MEGF6: variants seen among roughly 807,000 people sequenced by gnomAD.
MEGF6 encodes the protein multiple epidermal growth factor-like domains protein 6.
A neutral mutation model predicts 207.1 loss-of-function variants in MEGF6; 184 were observed. That is an observed-to-expected ratio of 0.89 (90% CI 0.79 to 1.00). MEGF6 has a LOEUF of 1.00. Ranked by LOEUF, MEGF6 falls within the 50% of genes least tolerant of loss-of-function variation. The pLI, the probability that MEGF6 is intolerant of heterozygous loss-of-function variation, is 0.00. For synonymous variants in MEGF6, 1,038 were observed against 910.0 expected (o/e 1.14, Z -2.53); for missense variants, 2,282 against 2,202.9 (o/e 1.04, Z -0.72).
intron 1 of MEGF6, among the ~76,000 whole-genome samples, 163 bp downstream of exon 1, chr1:3,610,975 C>T (rs924569257): frequency 1.4e-4 from 22 of 152,236 alleles, no homozygotes; most frequent in Admixed American, 1.2e-3. Flanking sequence ...CCAGACTCGA[C>T]CCTGGAGCCC....
At chr1:3,586,383 G>C (rs1463371179) in intron 3 of MEGF6, among the ~76,000 whole-genome samples, 1 of 152,202 alleles carries the variant, frequency 6.6e-6, no homozygotes, top group Non-Finnish European at 1.5e-5. Context: ...ATGTGTGTGC[G>C]TATGCGTGTG....
At chr1:3,536,710 C>A (rs1033132992) in intron 4 of MEGF6, among the ~76,000 whole-genome samples, 2 of 152,214 alleles carry the variant, frequency 1.3e-5, no homozygotes, top group African/African-American at 2.4e-5. Flanking sequence ...CAGCCCCCAG[C>A]GGCTGGCTCC....
the MEGF6 span, among the ~76,000 whole-genome samples, chr1:3,622,446 A>G: frequency 6.6e-6 from 1 of 152,194 alleles, no homozygotes; most frequent in Non-Finnish European, 1.5e-5. Flanking sequence ...TTCTTTATAA[A>G]TTACCCAGCT....
At chr1:3,623,811 C>A in the MEGF6 span, among the ~76,000 whole-genome samples, 1 of 152,168 alleles carries the variant, frequency 6.6e-6, no homozygotes, top group Admixed American at 6.5e-5. Flanking sequence ...GGATTTTGGC[C>A]TCCCTTTTCT....
At chr1:3,585,955 ATGTCCTGTGTGTGGGTGTGTGGACG>A (rs1403594344) in intron 3 of MEGF6, among the ~76,000 whole-genome samples, 1,591 of 90,534 alleles carry the variant, frequency 0.018, 35 homozygotes, top group African/African-American at 0.093. Flanking sequence ...GTGAGGACGC[ATGTCCTGTGTGTGGGTGTGTGGACG>A]CATGTCCTGT....
chr1:3,498,992 A>C (rs1380363698), intron 24 of MEGF6, 146 bp downstream of exon 24: 1 of 1,394,532 alleles, frequency 7.2e-7, no homozygotes, highest in Non-Finnish European at 9.7e-7. Context: ...CTGCCTGGAG[A>C]GGGGCACAGG....
chr1:3,493,836 G>T lies in MEGF6; in HGVS notation c.4322C>A (p.Pro1441His). Residue 1441 changes from proline to histidine, a missense_variant, in exon 34 of 37, where the codon CCC (proline) becomes CAC (histidine). Pro to His is a moderately conservative substitution (Grantham distance 77). Transcript: ENST00000356575. ...HQRCDCDGGAPCDPVTGLCLC... is the reference protein window; with the variant it reads ...HQRCDCDGGAHCDPVTGLCLC... ...GCAGAGACCGGTGACAGGGTCACAG[G>T]GTGCCCCCCCGTCACAGTCACAGCG... The T allele has an allele frequency of 1.2e-6, 2 of 1,606,696 alleles. No individual in the cohort carries two copies. Among genetic ancestry groups the T allele is most frequent in the South Asian group, 2.2e-5 (2 of 90,000 alleles).
At chr1:3,490,623 GTGGGGCGGGTGCTCCCAGAACAGAC>G in intron 36 of MEGF6, 34 bp from the exon 37 acceptor site, 1 of 1,606,300 alleles carries the variant, frequency 6.2e-7, no homozygotes, top group Non-Finnish European at 8.5e-7. Flanking sequence ...CCAGTCCAGG[GTGGGGCGGGTGCTCCCAGAACAGAC>G]TGGGTTCTGG....
Position 3,567,117 on chromosome 1 carries a change from C to T in MEGF6, c.481+12708G>A, listed in dbSNP as rs117872586. ...CAGAAGGGCCCCAGCCCTGGTCGCA[C>T]GGTGCTGGCAGATGGGCAACGCCTC... On this transcript the variant is annotated intron_variant, in intron 4 of 36. Coordinates refer to ENST00000356575, the MANE Select transcript of MEGF6 (RefSeq NM_001409.4). Among the ~76,000 whole-genome samples, 663 of 152,352 alleles carry T rather than the reference C, an allele frequency of 4.4e-3. 14 individuals carry two copies. The East Asian group carries it at 0.047, about 11-fold the overall frequency.
intron 4 of MEGF6, among the ~76,000 whole-genome samples, chr1:3,578,563 C>T (rs1024911294): frequency 5.9e-5 from 9 of 151,944 alleles, no homozygotes; most frequent in Admixed American, 4.6e-4. Flanking sequence ...TTCGTCCACA[C>T]GAGACAGACA....
intron 4 of MEGF6, among the ~76,000 whole-genome samples, chr1:3,545,105 G>A (rs1642659653): frequency 6.6e-6 from 1 of 152,154 alleles, no homozygotes; most frequent in Admixed American, 6.5e-5. Flanking sequence ...CACCCCATCA[G>A]TTACAACAGG....
chr1:3,611,214 C>T lies in MEGF6; in HGVS notation c.55G>A (p.Val19Met), dbSNP rs758432404. The change falls in exon 1 of 37, where the codon GTG becomes ATG. Residue 19 changes from valine to methionine, a missense_variant. Coordinates refer to ENST00000356575, the MANE Select transcript of MEGF6 (RefSeq NM_001409.4). The stretch of plus-strand genomic sequence containing the variant: ...GGCACGGCGGGGAGCAGCAGCAGCA[C>T]CAACGCCAGGACCACCGCGCGCCCC... ...AAGRAVVLAL[V>M]LLLLPAVPVG... 18 of 1,556,240 alleles carry T rather than the reference C, an allele frequency of 1.2e-5. No individual in the cohort carries two copies. The highest frequency in any genetic ancestry group is 3.6e-5 in the Admixed American group (2 of 55,368).
chr1:3,621,674 GA>G, the MEGF6 span, among the ~76,000 whole-genome samples: 1 of 152,202 alleles, frequency 6.6e-6, no homozygotes, highest in Non-Finnish European at 1.5e-5. Context: ...CGAGAAGGGG[GA>G]CACTGTCCTC....
intron 3 of MEGF6, among the ~76,000 whole-genome samples, chr1:3,592,131 A>T (rs1056160207): frequency 2.0e-5 from 3 of 152,106 alleles, no homozygotes; most frequent in Non-Finnish European, 4.4e-5. Flanking sequence ...CAGCCCAACA[A>T]CCTCACACAG....
At chr1:3,596,242 G>C (rs1644062796) in intron 2 of MEGF6, among the ~76,000 whole-genome samples, 1 of 152,032 alleles carries the variant, frequency 6.6e-6, no homozygotes, top group East Asian at 1.9e-4. Flanking sequence ...AGGCTGAGCA[G>C]AAAATGGTAA....
rs61742856 is a variant in MEGF6, at chr1:3,496,668, C to T, written c.3729G>A (p.Thr1243=). 1.3e-4 allele frequency: 201 copies of T among 1,572,930 alleles called. No homozygotes were observed. The African/African-American group carries it at 1.5e-3, about 12-fold the overall frequency. The change falls in exon 29 of 37, where the codon ACG becomes ACA. Residue 1243 remains threonine, a synonymous_variant. Transcript: ENST00000356575. ...CCAGCCACTCACTGAGGTTGCAGTCCGTCCCGAGGAACCCAGTGGGGCAGC... is the reference window on the plus strand; with the variant it reads ...CCAGCCACTCACTGAGGTTGCAGTCTGTCCCGAGGAACCCAGTGGGGCAGC... ...ACRCPTGFLG[T]DCNLTCPQGR... is the part of the protein sequence containing the mutation.
intron 20 of MEGF6, 75 bp downstream of exon 20, chr1:3,500,891 C>G: frequency 6.2e-7 from 1 of 1,604,868 alleles, no homozygotes; most frequent in Non-Finnish European, 8.5e-7. Context: ...TCCTCGGGGG[C>G]CCTGGGCAGA....
At chr1:3,502,338 C>CGCCA (rs1011673336) in intron 17 of MEGF6, among the ~76,000 whole-genome samples, 5 of 152,114 alleles carry the variant, frequency 3.3e-5, no homozygotes, top group African/African-American at 1.2e-4. Flanking sequence ...GCTCTTCCTC[C>CGCCA]GCCACCGTAG....
Position 3,567,639 on chromosome 1 carries a change from C to T in MEGF6, c.481+12186G>A, listed in dbSNP as rs549517662. Among the ~76,000 whole-genome samples, 13 of 152,214 alleles carry T rather than the reference C, an allele frequency of 8.5e-5. 1 individual carries two copies. Among genetic ancestry groups the T allele is most frequent in the Non-Finnish European group, 1.9e-4 (13 of 68,028 alleles). ...GGGACACGGCCAGCCTGGCCTAGCT[C>T]CTTGGCCATCACACCGTGGGCCCTC... On this transcript the variant is annotated intron_variant, in intron 4 of 36. Coordinates refer to ENST00000356575, the MANE Select transcript of MEGF6 (RefSeq NM_001409.4).
Sources: allele counts gnomAD v4.1 joint callset (sites outside exome capture counted in the v4.1 genomes callset), GRCh38; gene constraint gnomAD v4.1.1; transcripts MANE v1.5; gene names NCBI Gene and HGNC (gene_info 2026-07-23, HGNC 2026-07-21).